Variants in CAP2 observed in about 807,000 individuals in gnomAD.
CAP2 encodes adenylyl cyclase-associated protein 2.
A neutral mutation model predicts 57.7 loss-of-function variants in CAP2; 24 were observed. The observed-to-expected ratio is 0.42, with a 90% CI of 0.30 to 0.58. The LOEUF (loss-of-function observed/expected upper bound fraction) is 0.58, where lower values mean the gene tolerates loss of function less well. CAP2 is among the 20% of genes least tolerant of loss of function. The pLI, the probability that CAP2 is intolerant of heterozygous loss-of-function variation, is 0.22. For synonymous variants in CAP2, 194 were observed against 207.2 expected, an observed-to-expected ratio of 0.94 and a Z score of 0.55; for missense variants, 501 against 590.3, an observed-to-expected ratio of 0.85 and a Z score of 1.57.
intron 1 of CAP2, among the ~76,000 whole-genome samples, chr6:17,420,724 A>G (rs937885581): frequency 1.3e-5 from 2 of 152,200 alleles, no homozygotes; most frequent in Non-Finnish European, 2.9e-5. Context: ...GTCATATAAC[A>G]AGGAAGCATC....
intron 6 of CAP2, among the ~76,000 whole-genome samples, chr6:17,512,563 G>A (rs1042475143): frequency 1.3e-5 from 2 of 152,122 alleles, no homozygotes; most frequent in African/African-American, 4.8e-5. Flanking sequence ...TGTGTATACT[G>A]CTTCCTATGT....
At chr6:17,439,970 C>A (rs1450732863) in intron 3 of CAP2, among the ~76,000 whole-genome samples, 1 of 151,478 alleles carries the variant, frequency 6.6e-6, no homozygotes, top group Non-Finnish European at 1.5e-5. Flanking sequence ...TTAATTCCCC[C>A]CATAGGTCTT....
At chr6:17,435,981 C>T (rs1759869814) in intron 3 of CAP2, among the ~76,000 whole-genome samples, 1 of 152,106 alleles carries the variant, frequency 6.6e-6, no homozygotes, top group South Asian at 2.1e-4. Context: ...CAGTCAGGGT[C>T]CTGGAAGGAT....
At chr6:17,404,521 T>C (rs1259850693) in intron 1 of CAP2, among the ~76,000 whole-genome samples, 2 of 150,776 alleles carry the variant, frequency 1.3e-5, no homozygotes, top group African/African-American at 2.4e-5. Flanking sequence ...AGGAGAATGG[T>C]GTGAACCCAG....
chr6:17,539,902 A>G (rs1331798900), intron 8 of CAP2, among the ~76,000 whole-genome samples: 6 of 152,200 alleles, frequency 3.9e-5, no homozygotes, highest in Admixed American at 3.3e-4. Context: ...CAACATAGTG[A>G]GACCCCATCT....
chr6:17,527,597 C>CTTTT (rs10668941), intron 7 of CAP2, among the ~76,000 whole-genome samples: 8,337 of 131,074 alleles, frequency 0.064, 372 homozygotes, highest in Middle Eastern at 0.089. Context: ...TGTTCTCTTT[C>CTTTT]TTTTTTTTTT....
At chr6:17,514,049 A>C in intron 7 of CAP2, 95 bp downstream of exon 7, 53 of 796,128 alleles carry the variant, frequency 6.7e-5, no homozygotes, top group Non-Finnish European at 1.1e-4. Context: ...AACTTACCTC[A>C]AGGAAAATGT....
chr6:17,400,660 A>G lies in CAP2; in HGVS notation c.-2+6914A>G, dbSNP rs563104446. Among the ~76,000 whole-genome samples the G allele has an allele frequency of 2.6e-5, 4 of 152,084 alleles. No homozygotes were observed. In the East Asian group the frequency reaches 7.8e-4, roughly 30 times the overall value. Reference sequence around the variant, plus strand: ...GGGCAGATCACAAGGTCAGGAGATCAAGACCATCCTAGCTAACATGGTGAA... The same window carrying G: ...GGGCAGATCACAAGGTCAGGAGATCGAGACCATCCTAGCTAACATGGTGAA... On this transcript the variant is annotated intron_variant, in intron 1 of 12. Coordinates refer to ENST00000229922, the MANE Select transcript of CAP2 (RefSeq NM_006366.3).
At chr6:17,548,880 A>C (rs960438725) in intron 11 of CAP2, among the ~76,000 whole-genome samples, 1 of 152,246 alleles carries the variant, frequency 6.6e-6, no homozygotes, top group Non-Finnish European at 1.5e-5. Flanking sequence ...ACCTCACATC[A>C]TACATAAAAG....
Position 17,507,196 on chromosome 6 carries a change from A to T in CAP2, c.328A>T (p.Ile110Leu). 1 of 1,614,184 alleles carries T rather than the reference A, an allele frequency of 6.2e-7. No individual in the cohort carries two copies. Among genetic ancestry groups the T allele is most frequent in the Non-Finnish European group, 8.5e-7 (1 of 1,180,014 alleles). The change falls in exon 5 of 13, where the codon ATA becomes TTA. Residue 110 changes from isoleucine (I) to leucine (L), a missense_variant. Coordinates refer to ENST00000229922, the MANE Select transcript of CAP2 (RefSeq NM_006366.3). ...TGACGTGGCCGCACTTCTGAAACCC[A>T]TATCGGAAAAGATTCAGGAAATCCA... ...ENDVAALLKP[I>L]SEKIQEIQTF...
chr6:17,431,925 A>G (rs978984548), intron 3 of CAP2, among the ~76,000 whole-genome samples: 2 of 152,140 alleles, frequency 1.3e-5, no homozygotes, highest in South Asian at 4.2e-4. Context: ...CAGCCATGCC[A>G]GGGAAGATGC....
intron 3 of CAP2, among the ~76,000 whole-genome samples, chr6:17,448,411 A>G (rs568785626): frequency 2.0e-4 from 30 of 152,378 alleles, no homozygotes; most frequent in Admixed American, 1.8e-3. Flanking sequence ...CTATACAGTG[A>G]TTGAATTTGA....
chr6:17,398,788 T>G (rs1758735628), intron 1 of CAP2, among the ~76,000 whole-genome samples: 1 of 152,142 alleles, frequency 6.6e-6, no homozygotes, highest in Non-Finnish European at 1.5e-5. Flanking sequence ...CCTCCCAAAG[T>G]GCTGGAATTA....
At chr6:17,410,572 A>ATT (rs778249461) in intron 1 of CAP2, among the ~76,000 whole-genome samples, 5 of 144,052 alleles carry the variant, frequency 3.5e-5, no homozygotes, top group South Asian at 2.2e-4. Flanking sequence ...CTCAGATTTA[A>ATT]TTTTTTTTTT....
intron 3 of CAP2, among the ~76,000 whole-genome samples, chr6:17,457,591 T>G (rs1760607643): frequency 6.6e-6 from 1 of 152,178 alleles, no homozygotes; most frequent in Non-Finnish European, 1.5e-5. Context: ...AAGTACACAG[T>G]CAAATTCTCA....
At chr6:17,458,184 TC>T (rs1760626616) in intron 3 of CAP2, among the ~76,000 whole-genome samples, 2 of 152,222 alleles carry the variant, frequency 1.3e-5, no homozygotes, top group South Asian at 4.1e-4. Context: ...CATAATGGCC[TC>T]CAGGGCAGTG....
At chr6:17,536,001 TAG>T (rs1358921487) in intron 7 of CAP2, among the ~76,000 whole-genome samples, 4 of 152,176 alleles carry the variant, frequency 2.6e-5, no homozygotes. Context: ...GTATTTTTAG[TAG>T]AGACAGTGTT....
chr6:17,459,185 G>A (rs555020092), intron 3 of CAP2, among the ~76,000 whole-genome samples: 23 of 152,316 alleles, frequency 1.5e-4, no homozygotes, highest in Non-Finnish European at 2.4e-4. Flanking sequence ...CATCCGAATG[G>A]CATGTGTTCC....
At chr6:17,444,489 T>TTTTAGTAGA (rs1285446310) in intron 3 of CAP2, among the ~76,000 whole-genome samples, 1 of 151,676 alleles carries the variant, frequency 6.6e-6, no homozygotes, top group East Asian at 1.9e-4. Context: ...ATACAAAAAT[T>TTTTAGTAGA]AACTGGGTGT....
Sources: gnomAD v4.1 joint callset for allele counts (sites outside exome capture counted in the v4.1 genomes callset) on GRCh38, gnomAD v4.1.1 for gene constraint, MANE v1.5 for transcripts, NCBI Gene and HGNC (gene_info 2026-07-23, HGNC 2026-07-21) for gene names.